HSPA1L: variants seen among roughly 807,000 people sequenced by gnomAD.
HSPA1L encodes the protein heat shock 70 kDa protein 1-like.
A neutral mutation model predicts 31.5 loss-of-function variants in HSPA1L; 21 were observed. That is an observed-to-expected ratio of 0.67 (90% CI 0.47 to 0.96). The LOEUF is 0.96. HSPA1L is among the 40% of genes least tolerant of loss of function. The pLI is 0.00. For synonymous variants in HSPA1L, 293 were observed against 323.1 expected (o/e 0.91, Z 1.00); for missense variants, 709 against 813.4 (o/e 0.87, Z 1.56).
Position 31,810,513 on chromosome 6 carries a change from A to C in HSPA1L, c.1460T>G (p.Ile487Ser). Residue 487 changes from isoleucine to serine, a missense_variant, in exon 2 of 2, where the codon ATT becomes AGT. By Grantham distance (142) the Ile-to-Ser change is moderately radical. Transcript: ENST00000375654. ...EVTFDIDANG[I>S]LNVTATDKST... ...CTTGTCCGTGGCTGTGACATTGAGAATACCATTGGCATCAATGTCAAACGT... is the reference window on the plus strand; with the variant it reads ...CTTGTCCGTGGCTGTGACATTGAGACTACCATTGGCATCAATGTCAAACGT... 1 of 1,613,326 alleles carries C rather than the reference A, an allele frequency of 6.2e-7. No individual in the cohort carries two copies. The highest frequency in any genetic ancestry group is 8.5e-7 in the Non-Finnish European group (1 of 1,179,592).
At chr6:31,814,625 ACCCCGCCTCCCCCTTACCCCGCCTT>A (rs1218787062) in intron 1 of HSPA1L, among the ~76,000 whole-genome samples, 4 of 109,036 alleles carry the variant, frequency 3.7e-5, no homozygotes, top group East Asian at 2.5e-4. Context: ...CTTCCCAGTT[ACCCCGCCTCCCCCTTACCCCGCCTT>A]CCCCGCCTCC....
chr6:31,812,102 C>CAGTGAGCTATG, intron 1 of HSPA1L, 117 bp from the exon 2 acceptor site: 1 of 1,276,922 alleles, frequency 7.8e-7, no homozygotes, highest in Non-Finnish European at 1.1e-6. Flanking sequence ...AGTCATAGCT[C>CAGTGAGCTATG]ACTGCAGCTT....
rs34372373 is a variant in HSPA1L, at chr6:31,811,553, A to G, written c.420T>C (p.Pro140=). 1,996 of 1,614,180 alleles carry G rather than the reference A, an allele frequency of 1.2e-3. 23 individuals are homozygous for G. In the African/African-American group the frequency reaches 0.024, roughly 20 times the overall value. ...GCACGGTAATCACTGCATTGGTGAC[A>G]GGGTGGCCCAAAAAGGCCTCAGCAG... ...KETAEAFLGH[P]VTNAVITVPA... The change falls in exon 2 of 2, where the codon CCT becomes CCC. Residue 140 remains proline, a synonymous_variant. Coordinates refer to ENST00000375654, the MANE Select transcript of HSPA1L (RefSeq NM_005527.4).
Position 31,814,922 on chromosome 6 carries a change from A to C in HSPA1L, c.-47T>G, listed in dbSNP as rs1470277796. 1.0e-6 allele frequency: 1 copy of C among 985,394 alleles called. No homozygotes were observed. Among genetic ancestry groups the C allele is most frequent in the Non-Finnish European group, 1.2e-6 (1 of 830,120 alleles). 61.0% of individuals were successfully genotyped at this position (985,394 alleles called of 1,614,324 possible). A position where few individuals can be genotyped will look rare whatever the true frequency, so the allele number is the denominator to read the frequency against. On this transcript the variant is annotated 5_prime_UTR_variant, in exon 1 of 2. Coordinates refer to ENST00000375654, the MANE Select transcript of HSPA1L (RefSeq NM_005527.4). ...CCGACGCCTTCGCTTCAGTTTGGAA[A>C]CGTCCAGATTACGCAGCCCCAGCGA...
At position 31,815,152 on chromosome 6, in the gene HSPA1L, C is replaced by T. The variant is rs1283507967; in HGVS notation, c.-277G>A. 1 of 366,786 alleles carries T rather than the reference C, an allele frequency of 2.7e-6. No individual in the cohort carries two copies. The highest frequency in any genetic ancestry group is 3.9e-6 in the Non-Finnish European group (1 of 254,226). 22.7% of individuals were successfully genotyped at this position (366,786 alleles called of 1,614,324 possible). ...CACCCTCCCCTGGACGCGCGTAACC[C>T]GCTCCCCGCACCAGCCCCCTGCCCA... On this transcript the variant is annotated 5_prime_UTR_variant, in exon 1 of 2. Transcript: ENST00000375654.
At chr6:31,814,207 G>GACCATCCTGGCT (rs111230952) in intron 1 of HSPA1L, among the ~76,000 whole-genome samples, 146 of 152,304 alleles carry the variant, frequency 9.6e-4, no homozygotes, top group Non-Finnish European at 1.7e-3. Context: ...AGGAGAACGA[G>GACCATCCTGGCT]ACCATCCTGG....
chr6:31,812,032 G>A (rs1365588305), intron 1 of HSPA1L, 47 bp from the exon 2 acceptor site: 1 of 1,563,226 alleles, frequency 6.4e-7, no homozygotes, highest in African/African-American at 1.4e-5. Flanking sequence ...GCTTTTCAAT[G>A]TTATTTATTT....
chr6:31,815,147 T>C lies in HSPA1L; in HGVS notation c.-272A>G. On this transcript the variant is annotated 5_prime_UTR_variant, in exon 1 of 2. Coordinates refer to ENST00000375654, the MANE Select transcript of HSPA1L (RefSeq NM_005527.4). ...GCCCCCACCCTCCCCTGGACGCGCG[T>C]AACCCGCTCCCCGCACCAGCCCCCT... 1 of 283,578 alleles carries C rather than the reference T, an allele frequency of 3.5e-6. No individual in the cohort carries two copies. Among genetic ancestry groups the C allele is most frequent in the Non-Finnish European group, 5.5e-6 (1 of 181,486 alleles). The allele number at this position is 283,578 out of a possible 1,614,324, so 17.6% of individuals were successfully genotyped here.
chr6:31,809,978 T>G lies in HSPA1L; in HGVS notation c.*69A>C. The G allele has an allele frequency of 8.0e-7, 1 of 1,254,676 alleles. No individual in the cohort carries two copies. The highest frequency in any genetic ancestry group is 1.0e-6 in the Non-Finnish European group (1 of 960,262). 77.7% of individuals were successfully genotyped at this position (1,254,676 alleles called of 1,614,324 possible). On this transcript the variant is annotated 3_prime_UTR_variant, in exon 2 of 2. Transcript: ENST00000375654. ...ATTCAGGTCTGGTCAAGAATAATAA[T>G]GATGTTTGAAGATGAGGGGAATGAA...
At position 31,809,995 on chromosome 6, in the gene HSPA1L, G is replaced by A. The variant is rs895017672; in HGVS notation, c.*52C>T. 9 of 1,269,770 alleles carry A rather than the reference G, an allele frequency of 7.1e-6. No homozygotes were observed. The highest frequency in any genetic ancestry group is 3.9e-5 in the African/African-American group (2 of 51,324). The allele number at this position is 1,269,770 out of a possible 1,614,324, so 78.7% of individuals were successfully genotyped here. A position where few individuals can be genotyped will look rare whatever the true frequency, so the allele number is the denominator to read the frequency against. ...AATAATAATGATGTTTGAAGATGAG[G>A]GGAATGAAATACATGTAGAGGCATC... On this transcript the variant is annotated 3_prime_UTR_variant, in exon 2 of 2. Transcript: ENST00000375654.
chr6:31,813,377 C>G (rs759335696), intron 1 of HSPA1L, among the ~76,000 whole-genome samples: 18 of 152,170 alleles, frequency 1.2e-4, no homozygotes, highest in Non-Finnish European at 2.1e-4. Flanking sequence ...GATCTTGGCT[C>G]ACTGCAACCT....
At position 31,810,800 on chromosome 6, in the gene HSPA1L, C is replaced by T; in HGVS notation, c.1173G>A (p.Gln391=). ...GAGCCACGTCCAGCAGCAGCAGGTC[C>T]TGTACCTTCTCAGACTTGTCCCCCA... The part of the protein sequence containing the change: ...ILMGDKSEKV[Q]DLLLLDVAPL... The change falls in exon 2 of 2, where the codon CAG becomes CAA. Residue 391 remains glutamine (Q), a synonymous_variant. Transcript: ENST00000375654. 6.2e-7 allele frequency: 1 copy of T among 1,614,152 alleles called. No homozygotes were observed. Among genetic ancestry groups the T allele is most frequent in the East Asian group, 2.2e-5 (1 of 44,882 alleles).
rs1815352072 is a variant in HSPA1L, at chr6:31,810,765, AGGGACAGGG to A, written c.1199_1207del (p.Pro400_Ser402del). The A allele has an allele frequency of 1.2e-6, 2 of 1,614,088 alleles. No homozygotes were observed. The highest frequency in any genetic ancestry group is 2.2e-5 in the South Asian group (2 of 91,080). ...CACGCCCCCAGCCGTCTCCAGCCCC[AGGGACAGGG>A]GAGCCACGTCCAGCAGCAGCAGGTC... On this transcript the variant is annotated inframe_deletion, in exon 2 of 2. Coordinates refer to ENST00000375654, the MANE Select transcript of HSPA1L (RefSeq NM_005527.4).
In HSPA1L at chr6:31,815,240, T is replaced by C. The variant is rs1354578152; in HGVS notation, c.-365A>G. 6.6e-6 allele frequency among the ~76,000 whole-genome samples: 1 copy of C among 152,038 alleles called. No individual in the cohort carries two copies. Among genetic ancestry groups the C allele is most frequent in the East Asian group, 1.9e-4 (1 of 5,178 alleles). On this transcript the variant is annotated 5_prime_UTR_variant, in exon 1 of 2. Transcript: ENST00000375654. ...CCCAGCGCCGACCCTTCCTGTCAAT[T>C]AGGCGCTGAAGCGCAGGCGGTCAGC... is the stretch of plus-strand genomic sequence containing the variant.
chr6:31,812,614 G>A (rs138546486), intron 1 of HSPA1L, among the ~76,000 whole-genome samples: 3 of 152,144 alleles, frequency 2.0e-5, no homozygotes, highest in East Asian at 1.9e-4. Flanking sequence ...TGAACATCTC[G>A]CCCAGCCTAT....
At position 31,811,181 on chromosome 6, in the gene HSPA1L, C is replaced by T. The variant is rs767554972; in HGVS notation, c.792G>A (p.Arg264=). The part of the protein sequence containing the change: ...DISQNKRAVR[R]LRTACERAKR... ...TGGCCCTCTCGCAGGCGGTGCGCAGCCGCCTCACGGCTCGCTTGTTCTGGC... is the reference window on the plus strand; with the variant it reads ...TGGCCCTCTCGCAGGCGGTGCGCAGTCGCCTCACGGCTCGCTTGTTCTGGC... Residue 264 remains arginine (R), a synonymous_variant, in exon 2 of 2, where the codon CGG becomes CGA. Coordinates refer to ENST00000375654, the MANE Select transcript of HSPA1L (RefSeq NM_005527.4). 2.0e-5 allele frequency: 32 copies of T among 1,614,220 alleles called. No individual in the cohort carries two copies. The East Asian group carries it at 6.9e-4, about 35-fold the overall frequency.
chr6:31,812,338 T>C (rs1815487559), intron 1 of HSPA1L, among the ~76,000 whole-genome samples: 1 of 152,016 alleles, frequency 6.6e-6, no homozygotes, highest in African/African-American at 2.4e-5. Flanking sequence ...CTAATTTTTG[T>C]ATTTTTAGTA....
chr6:31,811,338 A>G lies in HSPA1L; in HGVS notation c.635T>C (p.Leu212Pro), dbSNP rs752112742. 1 of 1,614,226 alleles carries G rather than the reference A, an allele frequency of 6.2e-7. No individual in the cohort carries two copies. Among genetic ancestry groups the G allele is most frequent in the East Asian group, 2.2e-5 (1 of 44,880 alleles). ...CTCAAAAATCCCATCATCTATGGTCAGAATTGACACATCAAATGTGCCTCC... is the reference window on the plus strand; with the variant it reads ...CTCAAAAATCCCATCATCTATGGTCGGAATTGACACATCAAATGTGCCTCC... ...LGGGTFDVSI[L>P]TIDDGIFEVK... Residue 212 changes from leucine (L) to proline (P), a missense_variant, in exon 2 of 2, where the codon CTG becomes CCG. Coordinates refer to ENST00000375654, the MANE Select transcript of HSPA1L (RefSeq NM_005527.4).
In HSPA1L at chr6:31,811,956, C is replaced by T; in HGVS notation, c.17G>A (p.Gly6Glu). ...GCCCAGGTCGATGCCTATGGCGATT[C>T]CCTTGGCAGTAGCCATGGTTCTCTG... is the stretch of plus-strand genomic sequence containing the variant. The part of the protein sequence containing the change: MATAK[G>E]IAIGIDLGTT... The change falls in exon 2 of 2, where the codon GGA (glycine) becomes GAA (glutamate). Residue 6 changes from glycine (G) to glutamate (E), a missense_variant. Physicochemically the swap from Gly to Glu is moderately conservative, Grantham distance 98 (BLOSUM62 -2). Transcript: ENST00000375654. 1 of 1,614,100 alleles carries T rather than the reference C, an allele frequency of 6.2e-7. No homozygotes were observed. Among genetic ancestry groups the T allele is most frequent in the Non-Finnish European group, 8.5e-7 (1 of 1,179,992 alleles).
Sources: allele counts gnomAD v4.1 joint callset (sites outside exome capture counted in the v4.1 genomes callset), GRCh38; gene constraint gnomAD v4.1.1; transcripts MANE v1.5; gene names NCBI Gene and HGNC (gene_info 2026-07-23, HGNC 2026-07-21).